Variants in MECR observed in about 807,000 individuals in gnomAD.
MECR encodes mitochondrial trans-2-enoyl-CoA reductase, also known as enoyl-[acyl-carrier-protein] reductase, mitochondrial.
Under a neutral mutation model 49.1 loss-of-function variants are expected in MECR, and 37 were observed. The ratio of observed to expected loss-of-function variants is 0.75; its 90% CI spans 0.58 to 0.99. The LOEUF is 0.99. Ranked by LOEUF, MECR falls within the 50% of genes least tolerant of loss-of-function variation. MECR has a pLI of 0.00. For missense variants in MECR, 470 were observed against 479.6 expected (o/e 0.98, Z 0.19); for synonymous variants, 198 against 191.1 (o/e 1.04, Z -0.30).
At chr1:29,203,301 C>T (rs189368338) in intron 4 of MECR, 68 bp from the exon 5 acceptor site, 56 of 1,292,676 alleles carry the variant, frequency 4.3e-5, no homozygotes, top group Non-Finnish European at 5.3e-5. Context: ...GGCTCCCAGC[C>T]GGGGATCCTT....
At chr1:29,177,935 T>C in the MECR span, among the ~76,000 whole-genome samples, 52 of 144,856 alleles carry the variant, frequency 3.6e-4, no homozygotes, top group African/African-American at 1.3e-3. Flanking sequence ...AGTCTTGCTC[T>C]GTTGCCTAGG....
the MECR span, chr1:29,181,830 AGCGGCGGCG>A: frequency 4.9e-5 from 61 of 1,247,902 alleles, no homozygotes; most frequent in Middle Eastern, 2.3e-4. Flanking sequence ...GCACGGCGGC[AGCGGCGGCG>A]GCGGCAACGG....
chr1:29,223,239 C>A, intron 1 of MECR: 1 of 985,360 alleles, frequency 1.0e-6, no homozygotes, highest in Non-Finnish European at 1.2e-6. Flanking sequence ...ACAATGGCTC[C>A]TTTGAGGCCA....
intron 1 of MECR, among the ~76,000 whole-genome samples, chr1:29,222,815 G>A (rs1681095445): frequency 6.6e-6 from 1 of 152,140 alleles, no homozygotes; most frequent in South Asian, 2.1e-4. Context: ...TGCAAGCCTG[G>A]GGGTGGGGGG....
At chr1:29,214,563 T>C (rs977756769) in intron 3 of MECR, among the ~76,000 whole-genome samples, 2 of 149,902 alleles carry the variant, frequency 1.3e-5, no homozygotes, top group African/African-American at 2.5e-5. Context: ...GGTTTCACCA[T>C]GTTGGCCAGG....
the MECR span, among the ~76,000 whole-genome samples, chr1:29,182,787 G>A: frequency 6.6e-6 from 1 of 152,158 alleles, no homozygotes; most frequent in South Asian, 2.1e-4. Flanking sequence ...CAGGTGATCC[G>A]CCCGCCTTGG....
chr1:29,187,612 T>C, the MECR span, among the ~76,000 whole-genome samples: 1 of 151,430 alleles, frequency 6.6e-6, no homozygotes, highest in African/African-American at 2.4e-5. Context: ...TTTTCCTTTT[T>C]TTGTTGAGAC....
chr1:29,219,810 G>A lies in MECR; in HGVS notation c.177-3125C>T, dbSNP rs557657111. On this transcript the variant is annotated intron_variant, in intron 1 of 9. Coordinates refer to ENST00000263702, the MANE Select transcript of MECR (RefSeq NM_016011.5). ...TGAATAAAGACCACATAAAAACCTC[G>A]TTAGATCGTTTCCTTCAAATGAGTT... 6.6e-5 allele frequency among the ~76,000 whole-genome samples: 10 copies of A among 152,274 alleles called. No individual in the cohort carries two copies. The East Asian group carries it at 9.6e-4, about 15-fold the overall frequency.
chr1:29,176,938 C>A, the MECR span, among the ~76,000 whole-genome samples: 1 of 152,096 alleles, frequency 6.6e-6, no homozygotes, highest in Non-Finnish European at 1.5e-5. Context: ...AAAAATAAAA[C>A]TATAAATTTC....
chr1:29,217,127 C>CAAAA (rs1195549293), intron 1 of MECR, among the ~76,000 whole-genome samples: 2 of 47,262 alleles, frequency 4.2e-5, no homozygotes, highest in Admixed American at 3.9e-4. Context: ...GACTTTGTCT[C>CAAAA]AAAAAAAAAA....
At chr1:29,223,006 T>C (rs1681145817) in intron 1 of MECR, 2 of 799,664 alleles carry the variant, frequency 2.5e-6, no homozygotes, top group Non-Finnish European at 3.0e-6. Flanking sequence ...TCTAGTGTAA[T>C]GATAGCAATT....
chr1:29,214,722 A>C (rs559315327), intron 3 of MECR, among the ~76,000 whole-genome samples: 1 of 152,278 alleles, frequency 6.6e-6, no homozygotes, highest in Admixed American at 6.5e-5. Flanking sequence ...CCAGAAGATC[A>C]TAACACTGGT....
intron 1 of MECR, chr1:29,224,335 G>C (rs769085804): frequency 1.3e-5 from 2 of 152,270 alleles, no homozygotes; most frequent in Admixed American, 6.5e-5. Flanking sequence ...AATGAACCAA[G>C]GGCCAAGAGG....
At position 29,224,907 on chromosome 1, in the gene MECR, C is replaced by T. The variant is rs1016405462; in HGVS notation, c.176+5824G>A. ...CCCAGGGTGGGAAAGGCCAGTTCAT[C>T]CCAGAGAGCTGCTAGGAGAGGGCAA... On this transcript the variant is annotated intron_variant, in intron 1 of 9. Coordinates refer to ENST00000263702, the MANE Select transcript of MECR (RefSeq NM_016011.5). 3 of 152,356 alleles carry T rather than the reference C, an allele frequency of 2.0e-5. No homozygotes were observed. In the South Asian group the frequency reaches 6.2e-4, roughly 32 times the overall value. The allele number at this position is 152,356 out of a possible 1,614,324, so 9.4% of individuals were successfully genotyped here.
intron 9 of MECR, among the ~76,000 whole-genome samples, chr1:29,194,922 C>A (rs1490599473): frequency 2.0e-5 from 3 of 151,850 alleles, no homozygotes; most frequent in African/African-American, 7.3e-5. Flanking sequence ...TTGAGACCAG[C>A]CTGGGCAACA....
At position 29,201,854 on chromosome 1, in the gene MECR, G is replaced by A. The variant is rs1209485074; in HGVS notation, c.756+89C>T. The A allele has an allele frequency of 4.4e-6, 5 of 1,135,026 alleles. No homozygotes were observed. In the African/African-American group the frequency reaches 6.1e-5, roughly 14 times the overall value. The allele number at this position is 1,135,026 out of a possible 1,614,324, so 70.3% of individuals were successfully genotyped here. On this transcript the variant is annotated intron_variant, in intron 6 of 9. Coordinates refer to ENST00000263702, the MANE Select transcript of MECR (RefSeq NM_016011.5). This position sits in a 1 kb window ranked among gnomAD's most constrained non-coding sequence, Gnocchi z 4.3. ...GGGAGGTTTCCAGAGAGGAACAATG[G>A]GGCCAGTCCCCAGTTTCTCTAATGC...
chr1:29,181,840 G>C, the MECR span: 1 of 1,086,202 alleles, frequency 9.2e-7, no homozygotes, highest in Non-Finnish European at 1.2e-6. Context: ...AGCGGCGGCG[G>C]CGGCAACGGG....
chr1:29,199,297 G>A (rs1401777468), intron 7 of MECR, among the ~76,000 whole-genome samples: 4 of 152,084 alleles, frequency 2.6e-5, no homozygotes, highest in African/African-American at 7.2e-5. Flanking sequence ...GCGCAATCTC[G>A]GCCCACCGCA....
chr1:29,174,846 G>A, the MECR span, among the ~76,000 whole-genome samples: 1 of 151,736 alleles, frequency 6.6e-6, no homozygotes, highest in East Asian at 2.0e-4. Context: ...GCTAATTTTT[G>A]TATTTTTAGT....
Sources: gnomAD v4.1 joint callset for allele counts (sites outside exome capture counted in the v4.1 genomes callset) on GRCh38, gnomAD v4.1.1 for gene constraint, Gnocchi (gnomAD v3.1) non-coding constraint, MANE v1.5 for transcripts, NCBI Gene and HGNC (gene_info 2026-07-23, HGNC 2026-07-21) for gene names.